TDRD1: variants seen among roughly 807,000 people sequenced by gnomAD.
TDRD1 encodes the protein tudor domain containing 1.
A neutral mutation model predicts 140.6 loss-of-function variants in TDRD1; 37 were observed. That is an observed-to-expected ratio of 0.26 (90% CI 0.20 to 0.35). TDRD1 has a LOEUF of 0.35. Ranked by LOEUF, TDRD1 falls within the 10% of genes least tolerant of loss-of-function variation. The pLI is 1.00. For missense variants in TDRD1, 1,243 were observed against 1,393.0 expected (o/e 0.89, Z 1.71); for synonymous variants, 506 against 475.7 (o/e 1.06, Z -0.83).
chr10:114,180,933 G>T (rs1257732672), intron 1 of TDRD1, among the ~76,000 whole-genome samples: 1 of 152,158 alleles, frequency 6.6e-6, no homozygotes, highest in East Asian at 1.9e-4. Context: ...GAGAAGAAAT[G>T]ACTTACCCCA....
chr10:114,192,264 T>C (rs1165517691), intron 3 of TDRD1, among the ~76,000 whole-genome samples: 1 of 150,230 alleles, frequency 6.7e-6, no homozygotes, highest in Non-Finnish European at 1.5e-5. Flanking sequence ...ATGTTCATTT[T>C]TTTCCCCAAA....
At chr10:114,211,845 T>C (rs1589695865) in intron 13 of TDRD1, 21 bp from the exon 14 acceptor site, 3 of 1,499,802 alleles carry the variant, frequency 2.0e-6, no homozygotes, top group East Asian at 5.1e-5. Flanking sequence ...TCATTTGAGA[T>C]TGAGTCTCTC....
At chr10:114,210,432 G>A in intron 11 of TDRD1, 149 bp from the exon 12 acceptor site, 1 of 731,662 alleles carries the variant, frequency 1.4e-6, no homozygotes, top group Non-Finnish European at 2.1e-6. Flanking sequence ...TTACTGGGAA[G>A]AAGAAACACC....
chr10:114,183,783 C>T (rs1211603805), intron 1 of TDRD1, among the ~76,000 whole-genome samples: 3 of 151,122 alleles, frequency 2.0e-5, no homozygotes, highest in Non-Finnish European at 2.9e-5. Flanking sequence ...TCGCTGCAAC[C>T]TCTGCCTCCC....
chr10:114,204,660 TA>T (rs2034985042), intron 9 of TDRD1, 61 bp from the exon 10 acceptor site: 1 of 1,479,414 alleles, frequency 6.8e-7, no homozygotes, highest in African/African-American at 1.4e-5. Context: ...TATATACAAA[TA>T]ATTAGAAAAA....
chr10:114,201,388 T>G, intron 4 of TDRD1, 22 bp from the exon 5 acceptor site: 2 of 1,592,372 alleles, frequency 1.3e-6, no homozygotes, highest in Non-Finnish European at 1.7e-6. Flanking sequence ...ATCTGAACTA[T>G]TTTGTGGGTG....
rs150960511 is a variant in TDRD1, at chr10:114,210,653, A to G, written c.1457A>G (p.Lys486Arg). Residue 486 changes from lysine (K) to arginine (R), a missense_variant, in exon 12 of 26, where the codon AAA becomes AGA. By Grantham distance (26) the Lys-to-Arg change is conservative. Transcript: ENST00000251864. ...GTAGACAAAAGTGACCTAATCCCAA[A>G]AGTGTTAACTTTGAATGTAGGTGAT... 5.8e-5 allele frequency: 93 copies of G among 1,612,380 alleles called. No homozygotes were observed. Among genetic ancestry groups the G allele is most frequent in the Non-Finnish European group, 7.5e-5 (88 of 1,178,660 alleles).
chr10:114,195,733 C>G (rs1247620111), intron 3 of TDRD1, among the ~76,000 whole-genome samples: 1 of 152,178 alleles, frequency 6.6e-6, no homozygotes, highest in East Asian at 1.9e-4. Context: ...TTTTTTAATT[C>G]ACTAGGGCAG....
At chr10:114,232,504 C>CTTTTTTTTTTTTTTTTTTT (rs140805425), downstream of TDRD1, among the ~76,000 whole-genome samples, 21 of 81,684 alleles carry the variant, frequency 2.6e-4, no homozygotes, top group South Asian at 5.2e-4. Flanking sequence ...ACTTGAAAGA[C>CTTTTTTTTTTTTTTTTTTT]TTTTTTTTTT....
intron 14 of TDRD1, among the ~76,000 whole-genome samples, chr10:114,212,412 G>C (rs1449638784): frequency 6.6e-6 from 1 of 152,088 alleles, no homozygotes; most frequent in Non-Finnish European, 1.5e-5. Flanking sequence ...GATACATATT[G>C]TACATTTTCT....
intron 19 of TDRD1, 43 bp from the exon 20 acceptor site, chr10:114,221,314 T>G (rs1426159264): frequency 6.5e-7 from 1 of 1,549,312 alleles, no homozygotes; most frequent in Middle Eastern, 1.9e-4. Flanking sequence ...CAACAGTACA[T>G]TTTTTTTATT....
intron 12 of TDRD1, 26 bp from the exon 13 acceptor site, chr10:114,210,833 TC>T: frequency 6.2e-7 from 1 of 1,613,712 alleles, no homozygotes; most frequent in Non-Finnish European, 8.5e-7. Context: ...GATACGTATT[TC>T]TTTAAGATGT....
rs760414780 is a variant in TDRD1, at chr10:114,220,702, TC to T, written c.2631del (p.Thr878LeufsTer6). ...GATAGGAGTTGAACTCACCGATCTC[TC>T]CACTTGTTATCCCAGAATAATTAGT... On this transcript the variant is annotated frameshift_variant, in exon 19 of 26. Transcript: ENST00000251864. LOFTEE classifies it high-confidence loss of function. The T allele has an allele frequency of 6.2e-7, 1 of 1,614,046 alleles. No homozygotes were observed. Among genetic ancestry groups the T allele is most frequent in the Non-Finnish European group, 8.5e-7 (1 of 1,179,912 alleles).
chr10:114,202,392 A>G, intron 6 of TDRD1, 94 bp downstream of exon 6: 1 of 895,268 alleles, frequency 1.1e-6, no homozygotes, highest in Non-Finnish European at 1.6e-6. Context: ...GTATTTTATC[A>G]ATATTTAAAG....
At chr10:114,222,800 C>A in intron 21 of TDRD1, 97 bp downstream of exon 21, 1 of 680,956 alleles carries the variant, frequency 1.5e-6, no homozygotes, top group Non-Finnish European at 2.5e-6. Flanking sequence ...CTGCATATTT[C>A]ATTTGGTTTA....
At chr10:114,225,368 G>T (rs1353279961) in intron 21 of TDRD1, among the ~76,000 whole-genome samples, 1 of 152,150 alleles carries the variant, frequency 6.6e-6, no homozygotes. Flanking sequence ...TTTTGAATGA[G>T]CAGCACCAAT....
chr10:114,202,417 A>T, intron 6 of TDRD1, 119 bp downstream of exon 6: 1 of 644,338 alleles, frequency 1.6e-6, no homozygotes, highest in East Asian at 3.0e-5. Flanking sequence ...GTTTCCTATT[A>T]TATAAATATG....
chr10:114,216,396 T>C (rs930210413), intron 16 of TDRD1, among the ~76,000 whole-genome samples: 3 of 152,242 alleles, frequency 2.0e-5, no homozygotes, highest in Non-Finnish European at 4.4e-5. Context: ...ATTGTGTTTT[T>C]TCTTTTTTGT....
chr10:114,202,433 C>T, intron 6 of TDRD1, 135 bp downstream of exon 6: 2 of 548,274 alleles, frequency 3.6e-6, no homozygotes, highest in East Asian at 6.3e-5. Flanking sequence ...ATATGTACAC[C>T]ATAGTGATAC....
Sources: gnomAD v4.1 joint callset for allele counts (sites outside exome capture counted in the v4.1 genomes callset) on GRCh38, gnomAD v4.1.1 for gene constraint, MANE v1.5 for transcripts, NCBI Gene and HGNC (gene_info 2026-07-23, HGNC 2026-07-21) for gene names.